The following SNTG2 variants were observed in gnomAD, a reference collection of about 807,000 sequenced individuals.
SNTG2 encodes the protein syntrophin gamma 2.
Under a neutral mutation model 70.9 loss-of-function variants are expected in SNTG2, and 74 were observed. The observed-to-expected ratio is 1.04, with a 90% CI of 0.86 to 1.27. The LOEUF is 1.27. Among genes scored for constraint, SNTG2 ranks in the 50% most tolerant of loss-of-function variants. The pLI, the probability that SNTG2 is intolerant of heterozygous loss-of-function variation, is 0.00. For missense variants in SNTG2, 717 were observed against 690.7 expected (o/e 1.04, Z -0.43); for synonymous variants, 278 against 273.8 (o/e 1.02, Z -0.15).
intron 16 of SNTG2, among the ~76,000 whole-genome samples, chr2:1,347,560 C>G (rs968506165): frequency 6.6e-5 from 10 of 152,262 alleles, no homozygotes; most frequent in African/African-American, 2.4e-4. Flanking sequence ...GTCCCTGTCT[C>G]TCTCCATGTC....
At chr2:1,275,811 A>T (rs185492779) in intron 14 of SNTG2, among the ~76,000 whole-genome samples, 25 of 152,358 alleles carry the variant, frequency 1.6e-4, no homozygotes, top group African/African-American at 6.0e-4. Context: ...TGTGCCAAAT[A>T]GCCAAATTGT....
At position 1,062,905 on chromosome 2, in the gene SNTG2, TATAC is replaced by T. The variant is rs1360951524; in HGVS notation, c.73-20603_73-20600del. Among the ~76,000 whole-genome samples, 20 of 152,340 alleles carry T rather than the reference TATAC, an allele frequency of 1.3e-4. No individual in the cohort carries two copies. In the East Asian group the frequency reaches 3.1e-3, roughly 23 times the overall value. ...ACCCATATATATACATATACACACA[TATAC>T]ATACATACACACACAGCTTGGTTAC... On this transcript the variant is annotated intron_variant, in intron 1 of 16. Transcript: ENST00000308624.
intron 1 of SNTG2, among the ~76,000 whole-genome samples, chr2:957,161 G>A (rs1660192253): frequency 6.6e-6 from 1 of 152,336 alleles, no homozygotes; most frequent in Non-Finnish European, 1.5e-5. Flanking sequence ...TTTTAGAAAC[G>A]TGTGCCAACT....
At chr2:1,331,994 G>A (rs978743006) in intron 16 of SNTG2, among the ~76,000 whole-genome samples, 2 of 151,926 alleles carry the variant, frequency 1.3e-5, no homozygotes, top group African/African-American at 4.8e-5. Context: ...ACCCAGCCTG[G>A]TGCCTGCTCG....
At chr2:976,548 T>C (rs1447370134) in intron 1 of SNTG2, among the ~76,000 whole-genome samples, 2 of 152,238 alleles carry the variant, frequency 1.3e-5, no homozygotes, top group Non-Finnish European at 2.9e-5. Flanking sequence ...GAGTTTTGCC[T>C]GAGAGCAGAA....
chr2:1,364,737 C>A (rs1250232651), intron 16 of SNTG2, among the ~76,000 whole-genome samples: 16 of 132,006 alleles, frequency 1.2e-4, no homozygotes, highest in African/African-American at 1.7e-4. Flanking sequence ...CTAAAAATAC[C>A]AAAAAAAAAA....
At chr2:1,131,647 TTTTTC>T (rs1021719798) in intron 4 of SNTG2, among the ~76,000 whole-genome samples, 1 of 151,976 alleles carries the variant, frequency 6.6e-6, no homozygotes, top group Admixed American at 6.6e-5. Context: ...TTTTTCTTTT[TTTTTC>T]TTTTCTTTTT....
chr2:1,187,191 C>A (rs1672302379), intron 8 of SNTG2, among the ~76,000 whole-genome samples: 1 of 152,172 alleles, frequency 6.6e-6, no homozygotes, highest in Admixed American at 6.5e-5. Context: ...TCAGAAAGAA[C>A]AATGTATCCA....
At chr2:1,227,184 C>A (rs1212182442) in intron 9 of SNTG2, among the ~76,000 whole-genome samples, 3 of 152,214 alleles carry the variant, frequency 2.0e-5, no homozygotes, top group Non-Finnish European at 4.4e-5. Context: ...CTGCATTTGC[C>A]CTTAACAACA....
chr2:1,299,075 T>C (rs909142503), intron 14 of SNTG2, among the ~76,000 whole-genome samples: 16 of 152,192 alleles, frequency 1.1e-4, no homozygotes, highest in African/African-American at 3.6e-4. Context: ...TATATATCTA[T>C]CCCATTAGTT....
In SNTG2 at chr2:1,367,499, A is replaced by G; in HGVS notation, c.*25A>G. On this transcript the variant is annotated 3_prime_UTR_variant, in exon 17 of 17. Transcript: ENST00000308624. The stretch of plus-strand genomic sequence containing the variant: ...AAGGTTGTTTCTGTTGAGTGCTGAA[A>G]AATTAAATTATTTTCGTAAGAAATG... 1.3e-6 allele frequency: 2 copies of G among 1,540,148 alleles called. No individual in the cohort carries two copies. Among genetic ancestry groups the G allele is most frequent in the Non-Finnish European group, 1.7e-6 (2 of 1,143,574 alleles).
intron 16 of SNTG2, among the ~76,000 whole-genome samples, chr2:1,356,448 T>TC (rs775182756): frequency 1.3e-5 from 2 of 152,230 alleles, no homozygotes; most frequent in African/African-American, 4.8e-5. Context: ...GACTGACCTT[T>TC]CCCCACTGTA....
intron 4 of SNTG2, among the ~76,000 whole-genome samples, chr2:1,132,876 G>C (rs539663760): frequency 2.2e-4 from 33 of 152,354 alleles, no homozygotes; most frequent in Admixed American, 2.0e-3. Flanking sequence ...AGTTCAGTGA[G>C]AACCATGCAT....
intron 9 of SNTG2, among the ~76,000 whole-genome samples, chr2:1,233,587 G>A (rs139796917): frequency 1.3e-5 from 2 of 152,138 alleles, no homozygotes; most frequent in East Asian, 1.9e-4. Flanking sequence ...CAGGAAGAAC[G>A]GCTTAAACAG....
intron 1 of SNTG2, among the ~76,000 whole-genome samples, chr2:982,000 G>T (rs113063862): frequency 6.6e-6 from 1 of 151,468 alleles, no homozygotes; most frequent in African/African-American, 2.4e-5. Flanking sequence ...GTGCACACAC[G>T]TGTCCACACA....
intron 8 of SNTG2, among the ~76,000 whole-genome samples, chr2:1,205,424 C>T (rs1673571693): frequency 6.6e-6 from 1 of 152,176 alleles, no homozygotes; most frequent in South Asian, 2.1e-4. Context: ...TTGCAGATCT[C>T]AGGACGAAAT....
chr2:1,178,708 T>C (rs1358416650), intron 8 of SNTG2, among the ~76,000 whole-genome samples: 1 of 151,970 alleles, frequency 6.6e-6, no homozygotes, highest in East Asian at 1.9e-4. Flanking sequence ...AGTTTGCCAG[T>C]ATTTTATTGA....
intron 6 of SNTG2, among the ~76,000 whole-genome samples, chr2:1,139,946 GTT>G (rs1668642215): frequency 6.6e-6 from 1 of 151,846 alleles, no homozygotes; most frequent in South Asian, 2.1e-4. Flanking sequence ...CATATCATAT[GTT>G]TACATTCTTA....
At chr2:1,218,844 C>A (rs1454035081) in intron 9 of SNTG2, among the ~76,000 whole-genome samples, 2 of 152,058 alleles carry the variant, frequency 1.3e-5, no homozygotes, top group African/African-American at 4.8e-5. Context: ...GCTGGTTTAA[C>A]CAAGTAGGGT....
Sources: gnomAD v4.1 joint callset for allele counts (sites outside exome capture counted in the v4.1 genomes callset) on GRCh38, gnomAD v4.1.1 for gene constraint, MANE v1.5 for transcripts, NCBI Gene and HGNC (gene_info 2026-07-23, HGNC 2026-07-21) for gene names.